LNX1: variants seen among roughly 807,000 people sequenced by gnomAD.
The protein encoded by LNX1 is ligand of numb-protein X 1.
Under a neutral mutation model 68.4 loss-of-function variants are expected in LNX1, and 54 were observed. The ratio of observed to expected loss-of-function variants is 0.79; its 90% CI spans 0.63 to 0.99. LNX1 has a LOEUF of 0.99. LNX1 is among the 50% of genes least tolerant of loss of function. The pLI is 0.00. For synonymous variants in LNX1, 336 were observed against 350.0 expected (o/e 0.96, Z 0.45); for missense variants, 906 against 926.4 (o/e 0.98, Z 0.29).
chr4:53,548,067 A>G (rs1577695403), intron 2 of LNX1, among the ~76,000 whole-genome samples: 1 of 151,968 alleles, frequency 6.6e-6, no homozygotes, highest in Non-Finnish European at 1.5e-5. Context: ...GGTGGGCCTC[A>G]GAGAAAGCTG....
chr4:53,599,503 C>G (rs149136676), intron 2 of LNX1, among the ~76,000 whole-genome samples: 1 of 152,242 alleles, frequency 6.6e-6, no homozygotes, highest in African/African-American at 2.4e-5. Context: ...TGGGCCTGCT[C>G]TGTCTATGGA....
rs539944436 is a variant in LNX1 at position 53,531,342 on chromosome 4, T to C, written c.381-23115A>G. 5.3e-5 allele frequency among the ~76,000 whole-genome samples: 8 copies of C among 152,314 alleles called. 1 individual carries two copies. The South Asian group carries it at 1.7e-3, about 32-fold the overall frequency. On this transcript the variant is annotated intron_variant, in intron 2 of 10. Coordinates refer to ENST00000263925, the MANE Select transcript of LNX1 (RefSeq NM_001126328.3). ...TTTCCTGCACCAGCTCACTTCATTC[T>C]CTTAAGTAAATCACTTTATTTTCCA... is the stretch of plus-strand genomic sequence containing the variant.
rs748962908 is a variant in LNX1, at chr4:53,508,112, C to T, written c.496G>A (p.Ala166Thr). The T allele has an allele frequency of 1.5e-5, 25 of 1,614,146 alleles. No individual in the cohort carries two copies. The highest frequency in any genetic ancestry group is 2.0e-5 in the Non-Finnish European group (24 of 1,180,014). Residue 166 changes from alanine (A) to threonine (T), a missense_variant, in exon 3 of 11, where the codon GCA becomes ACA. By Grantham distance (58) the Ala-to-Thr change is moderately conservative (BLOSUM62 0). Coordinates refer to ENST00000263925, the MANE Select transcript of LNX1 (RefSeq NM_001126328.3). ...TATAPSPEVS[A>T]AATISLMTDE... ...GTCATTAAGGAGATGGTGGCAGCTG[C>T]AGAAACCTCTGGGGAGGGAGCCGTG...
chr4:53,639,367 A>G (rs1234786055), intron 1 of LNX1, among the ~76,000 whole-genome samples: 1 of 152,022 alleles, frequency 6.6e-6, no homozygotes, highest in Admixed American at 6.6e-5. Context: ...GGATTGAAAA[A>G]CTATTGGGTG....
At chr4:53,498,935 A>G in intron 4 of LNX1, 92 bp from the exon 5 acceptor site, 1 of 905,796 alleles carries the variant, frequency 1.1e-6, no homozygotes, top group Admixed American at 1.9e-5. Context: ...AGCCAAACTA[A>G]ACTATTCATT....
upstream of LNX1, among the ~76,000 whole-genome samples, chr4:53,617,709 G>T (rs1733731365): frequency 6.6e-6 from 1 of 152,150 alleles, no homozygotes; most frequent in Non-Finnish European, 1.5e-5. Context: ...TAAGGCAAAA[G>T]GATTACATTC....
chr4:53,608,939 C>G (rs974620669), intron 2 of LNX1, among the ~76,000 whole-genome samples: 7 of 152,060 alleles, frequency 4.6e-5, no homozygotes, highest in African/African-American at 1.4e-4. Context: ...AAGGGAACAA[C>G]AGACATCAAG....
chr4:53,519,176 G>A lies in LNX1; in HGVS notation c.381-10949C>T, dbSNP rs369107035. ...GCTCCAAACACAGGCAGCAAGCATC[G>A]TAGAAGCAGAGGCCTAAAAGGATCT... On this transcript the variant is annotated intron_variant, in intron 2 of 10. Coordinates refer to ENST00000263925, the MANE Select transcript of LNX1 (RefSeq NM_001126328.3). 2.0e-3 allele frequency among the ~76,000 whole-genome samples: 311 copies of A among 152,342 alleles called. 6 individuals are homozygous for A. The South Asian group carries it at 0.045, about 22-fold the overall frequency.
At chr4:53,610,651 T>C (rs1733445834) in intron 2 of LNX1, among the ~76,000 whole-genome samples, 1 of 140,330 alleles carries the variant, frequency 7.1e-6, no homozygotes, top group Non-Finnish European at 1.5e-5. Context: ...GAGCCTGCAG[T>C]GAGCCGAGAT....
At chr4:53,609,782 A>G (rs1560692920) in intron 2 of LNX1, among the ~76,000 whole-genome samples, 1 of 145,072 alleles carries the variant, frequency 6.9e-6, no homozygotes, top group African/African-American at 2.5e-5. Flanking sequence ...TATATATAAT[A>G]TATTATTTAA....
intron 6 of LNX1, among the ~76,000 whole-genome samples, chr4:53,482,434 C>T (rs974408679): frequency 3.3e-5 from 5 of 152,220 alleles, no homozygotes; most frequent in Middle Eastern, 3.4e-3. Context: ...AATTCACAAT[C>T]ACAAAGACAT....
Position 53,558,068 on chromosome 4 carries a change from C to G in LNX1, c.380+15555G>C, listed in dbSNP as rs2109729410. The G allele has an allele frequency of 2.6e-6, 4 of 1,534,716 alleles. No homozygotes were observed. In the East Asian group the frequency reaches 9.5e-5, roughly 37 times the overall value. On this transcript the variant is annotated intron_variant, in intron 2 of 10. Transcript: ENST00000263925. ...GCAAACCTTGCCATGCCCCCACAAT[C>G]AGTAGATCACAAAGAATTTGACTGA...
chr4:53,557,918 G>A, intron 2 of LNX1: 3 of 1,613,604 alleles, frequency 1.9e-6, no homozygotes, highest in South Asian at 1.1e-5. Flanking sequence ...TGTCAATGTA[G>A]TTAGCAGGAC....
intron 2 of LNX1, among the ~76,000 whole-genome samples, chr4:53,517,090 A>G (rs1007167861): frequency 2.0e-5 from 3 of 152,150 alleles, no homozygotes; most frequent in African/African-American, 7.2e-5. Flanking sequence ...AGCACTCTGC[A>G]AAGAGCACTG....
chr4:53,531,796 C>T (rs1728040834), intron 2 of LNX1, among the ~76,000 whole-genome samples: 7 of 152,182 alleles, frequency 4.6e-5, no homozygotes, highest in Admixed American at 3.9e-4. Context: ...AATTGCTGCT[C>T]AGAGTTCTAA....
intron 6 of LNX1, among the ~76,000 whole-genome samples, chr4:53,485,502 T>G (rs1724226904): frequency 6.6e-6 from 1 of 152,236 alleles, no homozygotes; most frequent in Non-Finnish European, 1.5e-5. Context: ...AAATGCTGGC[T>G]TTGGTATTAA....
At chr4:53,569,207 C>A (rs1730951360) in intron 2 of LNX1, among the ~76,000 whole-genome samples, 1 of 152,112 alleles carries the variant, frequency 6.6e-6, no homozygotes, top group South Asian at 2.1e-4. Flanking sequence ...ATTGCCAAGT[C>A]AATCCTAAGC....
At chr4:53,578,675 C>T (rs1731647046) in intron 1 of LNX1, among the ~76,000 whole-genome samples, 1 of 152,174 alleles carries the variant, frequency 6.6e-6, no homozygotes, top group African/African-American at 2.4e-5. Flanking sequence ...GCAGATTTAG[C>T]TCCACCTCCA....
chr4:53,627,731 TTAAC>T (rs1481856733), intron 1 of LNX1, among the ~76,000 whole-genome samples: 2 of 152,242 alleles, frequency 1.3e-5, no homozygotes, highest in Non-Finnish European at 2.9e-5. Flanking sequence ...CTGTTCAGAT[TTAAC>T]TAACACAGCA....
Sources: allele counts gnomAD v4.1 joint callset (sites outside exome capture counted in the v4.1 genomes callset), GRCh38; gene constraint gnomAD v4.1.1; transcripts MANE v1.5; gene names NCBI Gene and HGNC (gene_info 2026-07-23, HGNC 2026-07-21).